Variants in LAMA3 observed in about 807,000 individuals in gnomAD.
LAMA3 encodes the protein laminin subunit alpha 3.
In LAMA3, 281 loss-of-function variants were observed where a neutral mutation model predicts 402.0. That is an observed-to-expected ratio of 0.70 (90% CI 0.63 to 0.77). LAMA3 has a LOEUF of 0.77. Among genes scored for constraint, LAMA3 ranks in the 30% least tolerant of loss-of-function variants. The pLI is 0.00. For synonymous variants in LAMA3, 1,431 were observed against 1,558.4 expected (o/e 0.92, Z 1.93); for missense variants, 3,840 against 4,215.5 (o/e 0.91, Z 2.47).
intron 19 of LAMA3, among the ~76,000 whole-genome samples, chr18:23,821,861 T>A (rs2063291318): frequency 6.6e-6 from 1 of 152,204 alleles, no homozygotes; most frequent in Non-Finnish European, 1.5e-5. Context: ...TGGTGTGAAA[T>A]AATACCCTCT....
chr18:23,733,956 T>C (rs536150964), intron 2 of LAMA3, among the ~76,000 whole-genome samples: 2 of 152,252 alleles, frequency 1.3e-5, no homozygotes, highest in Non-Finnish European at 2.9e-5. Context: ...CATTTTAACA[T>C]GCTTTCTGGT....
At chr18:23,892,191 T>C (rs2080694214) in intron 42 of LAMA3, among the ~76,000 whole-genome samples, 1 of 152,104 alleles carries the variant, frequency 6.6e-6, no homozygotes, top group African/African-American at 2.4e-5. Flanking sequence ...TCACTGGAGG[T>C]ATTCAAGAAG....
At chr18:23,838,697 C>CT (rs1417429749) in intron 25 of LAMA3, 84 bp from the exon 26 acceptor site, 1 of 768,408 alleles carries the variant, frequency 1.3e-6, no homozygotes, top group African/African-American at 1.7e-5. Flanking sequence ...TACTTAATAG[C>CT]TTTTTTAAAA....
At position 23,713,786 on chromosome 18, in the gene LAMA3, C is replaced by G; in HGVS notation, c.295-134C>G. 3 of 749,020 alleles carry G rather than the reference C, an allele frequency of 4.0e-6. No homozygotes were observed. In the South Asian group the frequency reaches 5.2e-5, roughly 13 times the overall value. 46.4% of individuals were successfully genotyped at this position (749,020 alleles called of 1,614,324 possible). On this transcript the variant is annotated intron_variant, in intron 1 of 74. Coordinates refer to ENST00000313654, the MANE Select transcript of LAMA3 (RefSeq NM_198129.4). ...CAGAATACATTCCAGTGAATTTTAA[C>G]AGCTGACTTCTCTAAGCTGTATAAG...
chr18:23,894,983 G>T lies in LAMA3; in HGVS notation c.5538G>T (p.Gln1846His), dbSNP rs749028845. The change falls in exon 44 of 75, where the codon CAG becomes CAT. Residue 1846 changes from glutamine to histidine, a missense_variant. By Grantham distance (24) the Gln-to-His change is conservative. Transcript: ENST00000313654. ...AGCAGCTCCGCCTGGTCAAGTCTCA[G>T]CTGCAGGGCCTGAGTGCCAGCGCAG... ...MGEQLRLVKS[Q>H]LQGLSASAGL... 6.2e-7 allele frequency: 1 copy of T among 1,613,950 alleles called. No homozygotes were observed. The highest frequency in any genetic ancestry group is 1.7e-5 in the Admixed American group (1 of 60,014).
chr18:23,918,300 G>A lies in LAMA3; in HGVS notation c.7923+1605G>A, dbSNP rs1319809096. On this transcript the variant is annotated intron_variant, in intron 60 of 74. Coordinates refer to ENST00000313654, the MANE Select transcript of LAMA3 (RefSeq NM_198129.4). The surrounding 1 kb of genome is among the most constrained non-coding windows in gnomAD (Gnocchi z 4.1). ...AATTTGAGAACATGCCCCCCAAAAT[G>A]TGGGAGAAATCTCCCCTTTTCCTGT... Among the ~76,000 whole-genome samples the A allele has an allele frequency of 6.6e-6, 1 of 152,188 alleles. No homozygotes were observed. Among genetic ancestry groups the A allele is most frequent in the Non-Finnish European group, 1.5e-5 (1 of 68,042 alleles).
At chr18:23,934,864 C>CCT (rs1224893810) in intron 67 of LAMA3, among the ~76,000 whole-genome samples, 87 of 152,350 alleles carry the variant, frequency 5.7e-4, no homozygotes, top group African/African-American at 2.1e-3. Context: ...CGTGCTGCTT[C>CCT]TCTACCAATA....
At chr18:23,775,209 A>C (rs2062287156) in intron 9 of LAMA3, among the ~76,000 whole-genome samples, 1 of 152,214 alleles carries the variant, frequency 6.6e-6, no homozygotes, top group Non-Finnish European at 1.5e-5. Flanking sequence ...TTATACTTGC[A>C]CTATGCCTTA....
At chr18:23,698,158 G>T (rs938151279) in intron 1 of LAMA3, among the ~76,000 whole-genome samples, 1 of 151,112 alleles carries the variant, frequency 6.6e-6, no homozygotes, top group African/African-American at 2.4e-5. Flanking sequence ...GGGGTGGTGG[G>T]GGGAAATGGA....
At chr18:23,916,803 G>A in intron 60 of LAMA3, 108 bp downstream of exon 60, 1 of 1,061,478 alleles carries the variant, frequency 9.4e-7, no homozygotes, top group Non-Finnish European at 1.5e-6. Flanking sequence ...AAAACAATGT[G>A]TAAATGTTAC....
chr18:23,721,174 C>A (rs1247741815), intron 2 of LAMA3, among the ~76,000 whole-genome samples: 1 of 151,858 alleles, frequency 6.6e-6, no homozygotes, highest in East Asian at 1.9e-4. Context: ...AAAAAAAAGT[C>A]TCTCTCTCTT....
intron 67 of LAMA3, among the ~76,000 whole-genome samples, chr18:23,937,526 G>A (rs188955539): frequency 1.2e-4 from 19 of 152,276 alleles, no homozygotes; most frequent in African/African-American, 4.1e-4. Flanking sequence ...CCAGGGAGGC[G>A]GGTGTCCATG....
At chr18:23,801,810 C>T (rs978406562) in intron 12 of LAMA3, among the ~76,000 whole-genome samples, 4 of 151,956 alleles carry the variant, frequency 2.6e-5, no homozygotes, top group African/African-American at 4.8e-5. Context: ...AACATTTTTT[C>T]GTATACTTGT....
chr18:23,725,198 C>T (rs1174634836), intron 2 of LAMA3, among the ~76,000 whole-genome samples: 2 of 152,046 alleles, frequency 1.3e-5, no homozygotes, highest in African/African-American at 4.8e-5. Context: ...CAGCCTCCGC[C>T]TCCCAGGTTC....
At chr18:23,933,064 G>A (rs775185040) in intron 66 of LAMA3, among the ~76,000 whole-genome samples, 5 of 152,208 alleles carry the variant, frequency 3.3e-5, no homozygotes, top group Non-Finnish European at 5.9e-5. Context: ...GACAAGAATC[G>A]TGAGATAAAG....
At chr18:23,895,903 C>T (rs1268113053) in intron 44 of LAMA3, among the ~76,000 whole-genome samples, 2 of 152,166 alleles carry the variant, frequency 1.3e-5, no homozygotes, top group African/African-American at 4.8e-5. Flanking sequence ...CTAACGTAGG[C>T]ATATAATCCT....
intron 23 of LAMA3, among the ~76,000 whole-genome samples, chr18:23,828,707 T>A (rs981006478): frequency 2.0e-5 from 3 of 152,228 alleles, no homozygotes; most frequent in Non-Finnish European, 4.4e-5. Flanking sequence ...AACCCAGAGC[T>A]ATAGCACAGA....
intron 21 of LAMA3, 102 bp from the exon 22 acceptor site, chr18:23,826,600 C>T: frequency 2.3e-6 from 2 of 886,722 alleles, no homozygotes; most frequent in Admixed American, 4.0e-5. Context: ...CTAGCGACTT[C>T]ACCTGGTTAT....
At chr18:23,885,396 C>G (rs1262728902) in intron 41 of LAMA3, among the ~76,000 whole-genome samples, 2 of 140,584 alleles carry the variant, frequency 1.4e-5, no homozygotes, top group African/African-American at 5.2e-5. Flanking sequence ...TGAACACTTT[C>G]AGGACAATCT....
Sources: gnomAD v4.1 joint callset for allele counts (sites outside exome capture counted in the v4.1 genomes callset) on GRCh38, gnomAD v4.1.1 for gene constraint, Gnocchi (gnomAD v3.1) non-coding constraint, MANE v1.5 for transcripts, NCBI Gene and HGNC (gene_info 2026-07-23, HGNC 2026-07-21) for gene names.